The following SMARCA5 variants were observed in gnomAD, a reference collection of about 807,000 sequenced individuals.
SMARCA5 encodes SWI/SNF-related matrix-associated actin-dependent regulator of chromatin subfamily A member 5.
A neutral mutation model predicts 140.4 loss-of-function variants in SMARCA5; 18 were observed. The ratio of observed to expected loss-of-function variants is 0.13; its 90% CI spans 0.09 to 0.19. SMARCA5 has a LOEUF of 0.19. Among genes scored for constraint, SMARCA5 ranks in the 10% least tolerant of loss-of-function variants. SMARCA5 has a pLI of 1.00. For synonymous variants in SMARCA5, 449 were observed against 419.6 expected (o/e 1.07, Z -0.86); for missense variants, 606 against 1,276.8 (o/e 0.47, Z 8.01).
At position 143,556,797 on chromosome 4, in the gene SMARCA5, A is replaced by G. The variant is rs1309320703; in HGVS notation, c.*3613A>G. ...TGTGTACATCCCAGAATCGTTTTGG[A>G]TCTGTTAAGGTTTTTATTAGAATGA... On this transcript the variant is annotated 3_prime_UTR_variant, in exon 24 of 24. Transcript: ENST00000283131. 6.6e-6 allele frequency: 1 copy of G among 152,148 alleles called. No homozygotes were observed. The highest frequency in any genetic ancestry group is 2.4e-5 in the African/African-American group (1 of 41,428). 9.4% of individuals were successfully genotyped at this position (152,148 alleles called of 1,614,324 possible). A position where few individuals can be genotyped will look rare whatever the true frequency, so the allele number is the denominator to read the frequency against.
intron 2 of SMARCA5, among the ~76,000 whole-genome samples, chr4:143,519,601 T>A (rs982202800): frequency 6.6e-6 from 1 of 152,102 alleles, no homozygotes; most frequent in Admixed American, 6.5e-5. Flanking sequence ...TTTCCTTTTT[T>A]GACATCATGA....
At chr4:143,537,561 T>C (rs1454610705) in intron 11 of SMARCA5, among the ~76,000 whole-genome samples, 2 of 152,018 alleles carry the variant, frequency 1.3e-5, no homozygotes, top group East Asian at 1.9e-4. Context: ...GTTAAATTGG[T>C]GGGGAGGAGT....
Position 143,513,914 on chromosome 4 carries a change from G to A in SMARCA5, c.-11G>A, listed in dbSNP as rs1366044662. 1 of 1,539,940 alleles carries A rather than the reference G, an allele frequency of 6.5e-7. No homozygotes were observed. The highest frequency in any genetic ancestry group is 1.9e-5 in the Admixed American group (1 of 52,408). ...GCCTCTGGCAGCAGCGGGTGACGCA[G>A]ACGGAACATCATGTCGTCCGCGGCC... On this transcript the variant is annotated 5_prime_UTR_variant, in exon 1 of 24. Transcript: ENST00000283131.
chr4:143,548,265 A>G lies in SMARCA5; in HGVS notation c.2985+125A>G, dbSNP rs550626031. On this transcript the variant is annotated intron_variant, in intron 22 of 23. Transcript: ENST00000283131. The stretch of plus-strand genomic sequence containing the variant: ...CTTTTGTTACAATATTGTTAGTATC[A>G]TAAAACCTAATACCAGGGATAGCTT... 51 of 561,196 alleles carry G rather than the reference A, an allele frequency of 9.1e-5. 1 individual carries two copies. The South Asian group carries it at 1.4e-3, about 15-fold the overall frequency. 34.8% of individuals were successfully genotyped at this position (561,196 alleles called of 1,614,324 possible). A position where few individuals can be genotyped will look rare whatever the true frequency, so the allele number is the denominator to read the frequency against.
chr4:143,540,974 C>T (rs114692768), intron 14 of SMARCA5, among the ~76,000 whole-genome samples: 342 of 152,250 alleles, frequency 2.2e-3, no homozygotes, highest in African/African-American at 6.8e-3. Context: ...TGCTAGGCAC[C>T]GTTCTTGGTG....
At chr4:143,536,194 G>A (rs1270854771) in intron 10 of SMARCA5, among the ~76,000 whole-genome samples, 1 of 152,086 alleles carries the variant, frequency 6.6e-6, no homozygotes, top group African/African-American at 2.4e-5. Flanking sequence ...CTACCCAAGG[G>A]AACTGTTTTT....
intron 23 of SMARCA5, among the ~76,000 whole-genome samples, chr4:143,551,858 T>C (rs1186500399): frequency 6.6e-6 from 1 of 152,144 alleles, no homozygotes; most frequent in Non-Finnish European, 1.5e-5. Flanking sequence ...TTCTTCCAGT[T>C]TTATTCTTTT....
Position 143,553,058 on chromosome 4 carries a change from T to G in SMARCA5, c.3094-61T>G. ...TATTACTAAAGTGTTATAATGTGTC[T>G]GCAACTATATTTCATGTTTATATTA... On this transcript the variant is annotated intron_variant, in intron 23 of 23. Transcript: ENST00000283131. 3 of 1,246,780 alleles carry G rather than the reference T, an allele frequency of 2.4e-6. 1 individual carries two copies. The South Asian group carries it at 3.6e-5, about 15-fold the overall frequency. 77.2% of individuals were successfully genotyped at this position (1,246,780 alleles called of 1,614,324 possible).
chr4:143,524,137 C>G lies in SMARCA5; in HGVS notation c.420-230C>G, dbSNP rs554898564. On this transcript the variant is annotated intron_variant, in intron 3 of 23. Transcript: ENST00000283131. ...CTATCATATTTGAGTTTATTGGGTT[C>G]TGGTTAATGTATCGTACTGGTGTAT... is the stretch of plus-strand genomic sequence containing the variant. Among the ~76,000 whole-genome samples, 4 of 152,066 alleles carry G rather than the reference C, an allele frequency of 2.6e-5. No individual in the cohort carries two copies. In the East Asian group the frequency reaches 7.7e-4, roughly 29 times the overall value.
Position 143,538,948 on chromosome 4 carries a change from A to G in SMARCA5, c.1770+10A>G, listed in dbSNP as rs750522387. 1.2e-6 allele frequency: 2 copies of G among 1,611,826 alleles called. No homozygotes were observed. The highest frequency in any genetic ancestry group is 1.7e-6 in the Non-Finnish European group (2 of 1,178,578). Reference sequence around the variant, plus strand: ...AGATCTTCAGGCTATGGTAAGAGATAACGAATAAATATATTCTGTGCTTAG... The same window carrying G: ...AGATCTTCAGGCTATGGTAAGAGATGACGAATAAATATATTCTGTGCTTAG... On this transcript the variant is annotated intron_variant, in intron 13 of 23. Coordinates refer to ENST00000283131, the MANE Select transcript of SMARCA5 (RefSeq NM_003601.4).
At chr4:143,526,188 A>G in intron 5 of SMARCA5, 93 bp from the exon 6 acceptor site, 3 of 1,015,580 alleles carry the variant, frequency 3.0e-6, no homozygotes, top group Non-Finnish European at 3.0e-6. Flanking sequence ...AATATGTAGC[A>G]TTTCTTTTGA....
intron 8 of SMARCA5, 64 bp downstream of exon 8, chr4:143,528,778 A>C: frequency 6.8e-7 from 1 of 1,477,258 alleles, no homozygotes; most frequent in South Asian, 1.3e-5. Context: ...ATATTTTTGT[A>C]ATAAAAGTGG....
At chr4:143,546,329 AC>A (rs750654205) in intron 19 of SMARCA5, among the ~76,000 whole-genome samples, 43 of 152,046 alleles carry the variant, frequency 2.8e-4, no homozygotes, top group Non-Finnish European at 5.4e-4. Context: ...CCACATTGCT[AC>A]CCAGTCACCA....
intron 23 of SMARCA5, among the ~76,000 whole-genome samples, chr4:143,550,837 C>T (rs780540943): frequency 6.6e-6 from 1 of 152,084 alleles, no homozygotes; most frequent in Non-Finnish European, 1.5e-5. Context: ...TGTTGATGGA[C>T]ACTTAGGTTG....
At chr4:143,529,626 G>C (rs947501143) in intron 8 of SMARCA5, among the ~76,000 whole-genome samples, 1 of 152,110 alleles carries the variant, frequency 6.6e-6, no homozygotes, top group African/African-American at 2.4e-5. Context: ...GCCTGGACCA[G>C]TGTTTATTTT....
At chr4:143,544,944 TTTC>T in intron 17 of SMARCA5, 97 bp downstream of exon 17, 6 of 561,684 alleles carry the variant, frequency 1.1e-5, no homozygotes, top group Admixed American at 3.8e-5. Context: ...AGATTTTGTG[TTTC>T]TTTTTTTTTT....
chr4:143,550,249 T>TCTG (rs1560822980), intron 23 of SMARCA5, 145 bp downstream of exon 23: 44 of 353,812 alleles, frequency 1.2e-4, no homozygotes, highest in Admixed American at 2.6e-4. Flanking sequence ...TTTTTTTCCT[T>TCTG]AAGGGAGAAC....
Position 143,554,578 on chromosome 4 carries a change from TTGC to T in SMARCA5, c.*1400_*1402del, listed in dbSNP as rs1737711047. 1 of 152,524 alleles carries T rather than the reference TTGC, an allele frequency of 6.6e-6. No homozygotes were observed. The highest frequency in any genetic ancestry group is 2.1e-4 in the South Asian group (1 of 4,840). The allele number at this position is 152,524 out of a possible 1,614,324, so 9.4% of individuals were successfully genotyped here. On this transcript the variant is annotated 3_prime_UTR_variant, in exon 24 of 24. Coordinates refer to ENST00000283131, the MANE Select transcript of SMARCA5 (RefSeq NM_003601.4). ...CTGCTTAATTTCTTGAAATGTGGAA[TTGC>T]TGCTGTTAATGTCAAGCAAAACGCA...
At chr4:143,526,918 CTG>C (rs768895295) in intron 6 of SMARCA5, among the ~76,000 whole-genome samples, 3 of 151,716 alleles carry the variant, frequency 2.0e-5, no homozygotes, top group South Asian at 2.1e-4. Context: ...AGCTGTAAGA[CTG>C]TAGTTTGTTT....
Sources: allele counts gnomAD v4.1 joint callset (sites outside exome capture counted in the v4.1 genomes callset), GRCh38; gene constraint gnomAD v4.1.1; transcripts MANE v1.5; gene names NCBI Gene and HGNC (gene_info 2026-07-23, HGNC 2026-07-21).